SMC4: variants seen among roughly 807,000 people sequenced by gnomAD.
SMC4 encodes structural maintenance of chromosomes protein 4.
In SMC4, 87 loss-of-function variants were observed where a neutral mutation model predicts 145.6. That is an observed-to-expected ratio of 0.60 (90% CI 0.50 to 0.71). The LOEUF (loss-of-function observed/expected upper bound fraction) is 0.71. SMC4 is among the 30% of genes least tolerant of loss of function. The probability of loss-of-function intolerance (pLI) is 0.00; values close to 1 mark genes in which losing one functional copy is unlikely to be tolerated. For missense variants in SMC4, 1,447 were observed against 1,537.1 expected, an observed-to-expected ratio of 0.94 and a Z score of 0.98; for synonymous variants, 558 against 500.7, an observed-to-expected ratio of 1.11 and a Z score of -1.53.
rs570383970 is a variant in SMC4, at chr3:160,418,691, A to G, written c.1672-667A>G. Among the ~76,000 whole-genome samples, 5 of 152,308 alleles carry G rather than the reference A, an allele frequency of 3.3e-5. No homozygotes were observed. The East Asian group carries it at 9.6e-4, about 29-fold the overall frequency. Reference sequence around the variant, plus strand: ...TCTTTTGGGATGAATTATGTCAGTAACTTGGTTTAAACTTTATGCCAGTAC... The same window carrying G: ...TCTTTTGGGATGAATTATGTCAGTAGCTTGGTTTAAACTTTATGCCAGTAC... On this transcript the variant is annotated intron_variant, in intron 11 of 23. Coordinates refer to ENST00000357388, the MANE Select transcript of SMC4 (RefSeq NM_001002800.3).
At chr3:160,418,161 T>A (rs546610340) in intron 11 of SMC4, among the ~76,000 whole-genome samples, 1 of 152,230 alleles carries the variant, frequency 6.6e-6, no homozygotes, top group South Asian at 2.1e-4. Flanking sequence ...AAGCACCATA[T>A]AGTAAGTAAA....
rs200195444 is a variant in SMC4 at position 160,419,503 on chromosome 3, A to C, written c.1817A>C (p.Glu606Ala). The C allele has an allele frequency of 3.7e-6, 6 of 1,604,020 alleles. No individual in the cohort carries two copies. The highest frequency in any genetic ancestry group is 5.1e-6 in the Non-Finnish European group (6 of 1,177,544). ...RGKVLDAIIQ[E>A]KKSGRIPGIY... ...AAAGTCCTTGATGCAATAATTCAAG[A>C]AAAAAAATCTGGCAGGATTCCAGGA... The change falls in exon 12 of 24, where the codon GAA becomes GCA. Residue 606 changes from glutamate (E) to alanine (A), a missense_variant. Glu to Ala is a moderately radical substitution (Grantham distance 107, BLOSUM62 -1). Transcript: ENST00000357388.
Position 160,432,513 on chromosome 3 carries a change from C to G in SMC4, c.3528C>G (p.Phe1176Leu). Residue 1176 changes from phenylalanine to leucine, a missense_variant and splice_region_variant, in exon 22 of 24, where the codon TTC (phenylalanine) becomes TTG (leucine). Coordinates refer to ENST00000357388, the MANE Select transcript of SMC4 (RefSeq NM_001002800.3). ...ATCCTTTCTCTGAAGGAATCATGTT[C>G]AGGTGTGTAATTATGCTGAGTTTAT... ...SLDPFSEGIM[F>L]SVRPPKKSWK... 6.4e-7 allele frequency: 1 copy of G among 1,572,416 alleles called. No individual in the cohort carries two copies. Among genetic ancestry groups the G allele is most frequent in the Non-Finnish European group, 8.7e-7 (1 of 1,153,992 alleles).
chr3:160,419,750 A>G (rs1245208777), intron 12 of SMC4, among the ~76,000 whole-genome samples: 1 of 152,154 alleles, frequency 6.6e-6, no homozygotes, highest in African/African-American at 2.4e-5. Context: ...TATTTCATAC[A>G]TATCAAGAAA....
At position 160,430,602 on chromosome 3, in the gene SMC4, C is replaced by T. The variant is rs1718296268; in HGVS notation, c.2799C>T (p.Asn933=). The T allele has an allele frequency of 6.3e-7, 1 of 1,575,426 alleles. No homozygotes were observed. ...AQVAIKTADR[N]LQKAQDSVLR... is the part of the protein sequence containing the mutation. ...ATGCATCATTTTGCTTCTTTAGAAA[C>T]CTTCAAAAGGCACAAGACTCTGTCT... Residue 933 remains asparagine, a synonymous_variant, in exon 19 of 24, where the codon AAC becomes AAT. Coordinates refer to ENST00000357388, the MANE Select transcript of SMC4 (RefSeq NM_001002800.3).
In SMC4 at chr3:160,412,081, G is replaced by A; in HGVS notation, c.849G>A (p.Glu283=). 3 of 1,611,636 alleles carry A rather than the reference G, an allele frequency of 1.9e-6. No individual in the cohort carries two copies. Among genetic ancestry groups the A allele is most frequent in the Non-Finnish European group, 2.5e-6 (3 of 1,179,064 alleles). ...RVEILNEHRG[E]KLNRVKMVEK... is the part of the protein sequence containing the mutation. ...AAATATTAAATGAACACAGAGGAGA[G>A]AAGGTGAATCATCTGTAGACTTTCA... Residue 283 remains glutamate (E), a synonymous_variant, in exon 6 of 24, where the codon GAG becomes GAA. Coordinates refer to ENST00000357388, the MANE Select transcript of SMC4 (RefSeq NM_001002800.3).
chr3:160,413,097 G>T (rs1386595486), intron 7 of SMC4, among the ~76,000 whole-genome samples: 1 of 151,684 alleles, frequency 6.6e-6, no homozygotes, highest in African/African-American at 2.4e-5. Flanking sequence ...AACACACCTG[G>T]CTAATTATTA....
chr3:160,418,031 C>G (rs1716772056), intron 11 of SMC4, 75 bp downstream of exon 11: 1 of 1,209,718 alleles, frequency 8.3e-7, no homozygotes, highest in East Asian at 2.5e-5. Context: ...TTTTTAATCT[C>G]CGCGTCAGAG....
chr3:160,430,179 T>TAAGGAGGCAATAAGGGAG (rs1553775888), intron 18 of SMC4, among the ~76,000 whole-genome samples: 158 of 151,574 alleles, frequency 1.0e-3, no homozygotes, highest in African/African-American at 3.7e-3. Context: ...TGCTCAGAGA[T>TAAGGAGGCAATAAGGGAG]AAGGAGGTAA....
intron 5 of SMC4, among the ~76,000 whole-genome samples, chr3:160,408,624 T>G (rs1436137043): frequency 6.6e-6 from 1 of 152,264 alleles, no homozygotes; most frequent in Non-Finnish European, 1.5e-5. Context: ...GGTTGATGTT[T>G]TAAAATTATT....
intron 7 of SMC4, among the ~76,000 whole-genome samples, chr3:160,413,198 G>A (rs1716208196): frequency 6.6e-6 from 1 of 151,752 alleles, no homozygotes; most frequent in South Asian, 2.1e-4. Flanking sequence ...TGCCCAAGCT[G>A]GTCTCAAACT....
Position 160,432,499 on chromosome 3 carries a change from G to C in SMC4, c.3514G>C (p.Glu1172Gln). The change falls in exon 22 of 24, where the codon GAA becomes CAA. Residue 1172 changes from glutamate to glutamine, a missense_variant. Coordinates refer to ENST00000357388, the MANE Select transcript of SMC4 (RefSeq NM_001002800.3). ...TGTAGACAGCTTGGATCCTTTCTCT[G>C]AAGGAATCATGTTCAGGTGTGTAAT... ...ELVDSLDPFS[E>Q]GIMFSVRPPK... 1.3e-6 allele frequency: 2 copies of C among 1,598,818 alleles called. No individual in the cohort carries two copies. Among genetic ancestry groups the C allele is most frequent in the Non-Finnish European group, 1.7e-6 (2 of 1,171,744 alleles).
At chr3:160,413,998 T>C in intron 8 of SMC4, 1 of 333,308 alleles carries the variant, frequency 3.0e-6, no homozygotes, top group Non-Finnish European at 5.6e-6. Context: ...CACTAGTATC[T>C]CTAATTATTT....
At chr3:160,404,829 G>A (rs776686572) in intron 5 of SMC4, 2 of 511,646 alleles carry the variant, frequency 3.9e-6, no homozygotes, top group African/African-American at 3.9e-5. Context: ...GTGTGACAGG[G>A]ATACAGCAAC....
chr3:160,431,674 A>G lies in SMC4; in HGVS notation c.3146A>G (p.Asp1049Gly), dbSNP rs543814078. The G allele has an allele frequency of 3.8e-4, 618 of 1,607,346 alleles. 4 individuals are homozygous for G. The South Asian group carries it at 6.4e-3, about 17-fold the overall frequency. The change falls in exon 21 of 24, where the codon GAT (aspartate) becomes GGT (glycine). Residue 1049 changes from aspartate (D) to glycine (G), a missense_variant. Asp to Gly is a moderately conservative substitution (Grantham distance 94). Coordinates refer to ENST00000357388, the MANE Select transcript of SMC4 (RefSeq NM_001002800.3). ...ISKISLHPIE[D>G]NPIEEISVLS... The stretch of plus-strand genomic sequence containing the variant: ...AAAATATCACTGCATCCTATAGAAG[A>G]TAATCCTATTGAAGAGATTTCGGTT...
At chr3:160,413,692 C>A in intron 8 of SMC4, 79 bp downstream of exon 8, 2 of 848,674 alleles carry the variant, frequency 2.4e-6, no homozygotes, top group Non-Finnish European at 3.4e-6. Flanking sequence ...TTACTTCTAG[C>A]ACATTGTGAG....
chr3:160,433,985 A>G lies in SMC4; in HGVS notation c.*176A>G, dbSNP rs1718716357. 2.2e-6 allele frequency: 1 copy of G among 461,980 alleles called. No homozygotes were observed. Among genetic ancestry groups the G allele is most frequent in the African/African-American group, 2.1e-5 (1 of 48,402 alleles). The allele number at this position is 461,980 out of a possible 1,614,324, so 28.6% of individuals were successfully genotyped here. ...TAAAATATTCTCTATAATTGCTTCTAGATTACAAAAATATGACAATCTTGT... is the reference window on the plus strand; with the variant it reads ...TAAAATATTCTCTATAATTGCTTCTGGATTACAAAAATATGACAATCTTGT... On this transcript the variant is annotated 3_prime_UTR_variant, in exon 24 of 24. Transcript: ENST00000357388.
intron 1 of SMC4, chr3:160,400,032 A>T (rs1316303945): frequency 6.6e-6 from 1 of 152,254 alleles, no homozygotes; most frequent in African/African-American, 2.4e-5. Flanking sequence ...CTCTATCTGG[A>T]AAAGGGCGTC....
At position 160,417,813 on chromosome 3, in the gene SMC4, C is replaced by G; in HGVS notation, c.1528C>G (p.Leu510Val). The change falls in exon 11 of 24, where the codon CTC becomes GTC. Residue 510 changes from leucine to valine, a missense_variant. By Grantham distance (32) the Leu-to-Val change is conservative (BLOSUM62 1). Transcript: ENST00000357388. ...AGCCCAGTCAGAACTTGATATCTAT[C>G]TCAGTCGTCATAATACTGCAGTGTC... Reference protein sequence around the residue: ...DVAQSELDIYLSRHNTAVSQL... With the variant: ...DVAQSELDIYVSRHNTAVSQL... 1 of 1,613,706 alleles carries G rather than the reference C, an allele frequency of 6.2e-7. No individual in the cohort carries two copies. Among genetic ancestry groups the G allele is most frequent in the Non-Finnish European group, 8.5e-7 (1 of 1,179,814 alleles).
Sources: gnomAD v4.1 joint callset for allele counts (sites outside exome capture counted in the v4.1 genomes callset) on GRCh38, gnomAD v4.1.1 for gene constraint, MANE v1.5 for transcripts, NCBI Gene and HGNC (gene_info 2026-07-23, HGNC 2026-07-21) for gene names.